Variants in MKLN1 observed in about 807,000 individuals in gnomAD.
MKLN1 encodes the protein muskelin.
A neutral mutation model predicts 99.0 loss-of-function variants in MKLN1; 18 were observed. The observed-to-expected ratio is 0.18, with a 90% CI of 0.13 to 0.27. MKLN1 has a LOEUF of 0.27. MKLN1 is among the 10% of genes least tolerant of loss of function. The pLI is 1.00. For missense variants in MKLN1, 621 were observed against 875.9 expected, an observed-to-expected ratio of 0.71 and a Z score of 3.67; for synonymous variants, 288 against 293.2, an observed-to-expected ratio of 0.98 and a Z score of 0.18.
chr7:131,305,087 C>T (rs1199017580), intron 3 of MKLN1, among the ~76,000 whole-genome samples: 22 of 152,280 alleles, frequency 1.4e-4, no homozygotes, highest in East Asian at 9.6e-4. Context: ...GACACTGAAC[C>T]TGCGGGCGCC....
intron 3 of MKLN1, among the ~76,000 whole-genome samples, chr7:131,229,091 G>A (rs1051222241): frequency 1.3e-5 from 2 of 151,976 alleles, no homozygotes; most frequent in Non-Finnish European, 2.9e-5. Context: ...AGCCCAAAAA[G>A]GTGTGACATC....
chr7:131,131,481 C>T (rs1057140306), intron 1 of MKLN1, among the ~76,000 whole-genome samples: 4 of 152,196 alleles, frequency 2.6e-5, no homozygotes, highest in Non-Finnish European at 4.4e-5. Flanking sequence ...TATGCAAAAA[C>T]GCTTTTCATT....
intron 1 of MKLN1, among the ~76,000 whole-genome samples, chr7:131,336,710 G>C (rs1799259979): frequency 6.6e-6 from 1 of 152,084 alleles, no homozygotes. Flanking sequence ...TAGGACCCTA[G>C]AAAACTTTAA....
intron 8 of MKLN1, among the ~76,000 whole-genome samples, chr7:131,425,751 A>G (rs546558487): frequency 6.6e-6 from 1 of 152,222 alleles, no homozygotes; most frequent in Non-Finnish European, 1.5e-5. Context: ...ACCTATAAGC[A>G]TGAGAATGGG....
chr7:131,381,538 AG>A (rs1793845684), intron 2 of MKLN1, among the ~76,000 whole-genome samples: 1 of 152,214 alleles, frequency 6.6e-6, no homozygotes, highest in Non-Finnish European at 1.5e-5. Flanking sequence ...AAATACTAAA[AG>A]TGAGAATCAA....
chr7:131,333,014 C>A (rs1343012511), intron 1 of MKLN1, among the ~76,000 whole-genome samples: 2 of 152,110 alleles, frequency 1.3e-5, no homozygotes, highest in Non-Finnish European at 2.9e-5. Context: ...AACTCTGCCT[C>A]CTGGCTTCAA....
At chr7:131,308,091 GTGTT>G (rs1798495359) in intron 3 of MKLN1, among the ~76,000 whole-genome samples, 1 of 152,134 alleles carries the variant, frequency 6.6e-6, no homozygotes. Context: ...GATGGTTTAA[GTGTT>G]TGAGACTTCC....
intron 14 of MKLN1, among the ~76,000 whole-genome samples, chr7:131,465,445 G>T (rs1796630768): frequency 6.6e-6 from 1 of 152,032 alleles, no homozygotes; most frequent in East Asian, 1.9e-4. Flanking sequence ...TTCATTTTTG[G>T]TATTGAATTA....
chr7:131,162,048 A>G (rs894099902), intron 2 of MKLN1, among the ~76,000 whole-genome samples: 5 of 149,014 alleles, frequency 3.4e-5, no homozygotes, highest in Non-Finnish European at 5.9e-5. Context: ...ACACACACAC[A>G]TATATATATG....
In MKLN1 at chr7:131,487,824, G is replaced by T; in HGVS notation, c.*96G>T. 7.1e-7 allele frequency: 1 copy of T among 1,415,890 alleles called. No individual in the cohort carries two copies. The highest frequency in any genetic ancestry group is 9.6e-7 in the Non-Finnish European group (1 of 1,036,796). The allele number at this position is 1,415,890 out of a possible 1,614,324, so 87.7% of individuals were successfully genotyped here. On this transcript the variant is annotated 3_prime_UTR_variant, in exon 18 of 18. Transcript: ENST00000352689. The surrounding 1 kb of genome is among the most constrained non-coding windows in gnomAD (Gnocchi z 4.7). ...GACTGACAGTAAAGCTGCAGTGATT[G>T]AGGACTGCACCAGAGTTCTGAAGGG... is the stretch of plus-strand genomic sequence containing the variant.
At chr7:131,300,698 A>AAC (rs1353847119) in intron 3 of MKLN1, among the ~76,000 whole-genome samples, 5 of 122,232 alleles carry the variant, frequency 4.1e-5, no homozygotes, top group Non-Finnish European at 5.6e-5. Flanking sequence ...AAAAAAAAAA[A>AAC]AACAACCAAA....
intron 4 of MKLN1, 123 bp downstream of exon 4, chr7:131,389,095 C>G: frequency 3.4e-6 from 2 of 591,244 alleles, no homozygotes; most frequent in Non-Finnish European, 5.8e-6. Context: ...GGGAATATTG[C>G]TGCGCTGGTT....
At chr7:131,300,330 G>C (rs1447719880) in intron 3 of MKLN1, among the ~76,000 whole-genome samples, 1 of 151,896 alleles carries the variant, frequency 6.6e-6, no homozygotes, top group African/African-American at 2.4e-5. Context: ...TGGCTGGAGA[G>C]TGGGGAGAGA....
intron 12 of MKLN1, among the ~76,000 whole-genome samples, chr7:131,452,090 C>T (rs1257624092): frequency 1.3e-5 from 2 of 152,170 alleles, no homozygotes; most frequent in African/African-American, 4.8e-5. Flanking sequence ...CCACATCTGC[C>T]ATTGTTTATT....
At chr7:131,238,359 T>A (rs921183017) in intron 3 of MKLN1, among the ~76,000 whole-genome samples, 2 of 152,238 alleles carry the variant, frequency 1.3e-5, no homozygotes, top group African/African-American at 4.8e-5. Flanking sequence ...GGTGTTCATG[T>A]CTTCATTCAC....
chr7:131,175,251 G>GACAGATAGATAGATAGATA (rs1554532224), intron 2 of MKLN1, among the ~76,000 whole-genome samples: 6 of 150,160 alleles, frequency 4.0e-5, no homozygotes, highest in Admixed American at 1.3e-4. Context: ...TGGATGGATA[G>GACAGATAGATAGATAGATA]ATAGATAGAT....
intron 1 of MKLN1, among the ~76,000 whole-genome samples, chr7:131,364,350 GTAGA>G (rs1333156538): frequency 6.6e-6 from 1 of 151,986 alleles, no homozygotes; most frequent in African/African-American, 2.4e-5. Context: ...TCCTGTGTGT[GTAGA>G]TAAAGATATT....
chr7:131,248,689 A>G (rs533258047), intron 3 of MKLN1, among the ~76,000 whole-genome samples: 12 of 152,142 alleles, frequency 7.9e-5, no homozygotes, highest in Non-Finnish European at 1.8e-4. Context: ...GTCCAGGTTC[A>G]CCGTGAAAAG....
chr7:131,427,872 A>T (rs1287982616), intron 8 of MKLN1, among the ~76,000 whole-genome samples: 10 of 151,978 alleles, frequency 6.6e-5, no homozygotes, highest in Non-Finnish European at 1.0e-4. Context: ...CTATTATTGC[A>T]TGAAGAAGGG....
Sources: gnomAD v4.1 joint callset for allele counts (sites outside exome capture counted in the v4.1 genomes callset) on GRCh38, gnomAD v4.1.1 for gene constraint, Gnocchi (gnomAD v3.1) non-coding constraint, MANE v1.5 for transcripts, NCBI Gene and HGNC (gene_info 2026-07-23, HGNC 2026-07-21) for gene names.